The following TMEM135 variants were observed in gnomAD, a reference collection of about 807,000 sequenced individuals.
TMEM135 encodes the protein peroxisomal membrane protein 52.
In TMEM135, 30 loss-of-function variants were observed where a neutral mutation model predicts 60.3. The ratio of observed to expected loss-of-function variants is 0.50; its 90% CI spans 0.37 to 0.68. The LOEUF is 0.68. TMEM135 is among the 30% of genes least tolerant of loss of function. The pLI is 0.00. For synonymous variants in TMEM135, 190 were observed against 186.7 expected (o/e 1.02, Z -0.14); for missense variants, 468 against 548.8 (o/e 0.85, Z 1.47).
At position 87,269,587 on chromosome 11, in the gene TMEM135, C is replaced by T. The variant is rs185155978; in HGVS notation, c.510-26195C>T. ...TTCAATTCCCACCTATGAGTGAGAA[C>T]ATGTGGTGTTTGGTTTTTTGTCCTT... On this transcript the variant is annotated intron_variant, in intron 6 of 14. Coordinates refer to ENST00000305494, the MANE Select transcript of TMEM135 (RefSeq NM_022918.4). Among the ~76,000 whole-genome samples, 30 of 150,698 alleles carry T rather than the reference C, an allele frequency of 2.0e-4. No homozygotes were observed. The East Asian group carries it at 4.1e-3, about 21-fold the overall frequency.
intron 6 of TMEM135, among the ~76,000 whole-genome samples, chr11:87,266,698 T>C (rs1162047719): frequency 6.6e-6 from 1 of 152,200 alleles, no homozygotes; most frequent in African/African-American, 2.4e-5. Context: ...CATTAGAAGG[T>C]CATATCTGTT....
At chr11:87,266,171 GA>G (rs1204703340) in intron 6 of TMEM135, among the ~76,000 whole-genome samples, 1 of 152,160 alleles carries the variant, frequency 6.6e-6, no homozygotes, top group Non-Finnish European at 1.5e-5. Context: ...TGAGGAGCCA[GA>G]GTTATCTATA....
intron 4 of TMEM135, among the ~76,000 whole-genome samples, chr11:87,130,154 A>T (rs1937878161): frequency 7.3e-6 from 1 of 137,372 alleles, no homozygotes; most frequent in Non-Finnish European, 1.6e-5. Flanking sequence ...TCTTGAGGGT[A>T]CCAGTTCCAG....
intron 5 of TMEM135, among the ~76,000 whole-genome samples, chr11:87,173,914 C>T (rs913778016): frequency 6.6e-6 from 1 of 152,104 alleles, no homozygotes; most frequent in African/African-American, 2.4e-5. Context: ...CAGTAATATA[C>T]AAAACATGTT....
intron 13 of TMEM135, 64 bp from the exon 14 acceptor site, chr11:87,319,246 T>C: frequency 2.3e-6 from 3 of 1,294,376 alleles, no homozygotes; most frequent in Non-Finnish European, 3.4e-6. Context: ...TACACCTTTG[T>C]GTATTTCATC....
intron 1 of TMEM135, among the ~76,000 whole-genome samples, chr11:87,064,252 C>T (rs2512358): frequency 0.32 from 47,923 of 147,770 alleles, 8,926 homozygotes; most frequent in East Asian, 0.59. Flanking sequence ...ATTGGTCATG[C>T]GAATGACTCC....
At position 87,326,691 on chromosome 11, in the gene TMEM135, G is replaced by C. The variant is rs547413562; in HGVS notation, c.*5358G>C. 1.1e-5 allele frequency: 5 copies of C among 451,616 alleles called. No individual in the cohort carries two copies. The highest frequency in any genetic ancestry group is 1.0e-4 in the African/African-American group (5 of 49,840). The allele number at this position is 451,616 out of a possible 1,614,324, so 28.0% of individuals were successfully genotyped here. On this transcript the variant is annotated 3_prime_UTR_variant, in exon 15 of 15. Transcript: ENST00000305494. ...ATTTCTTCATCTTGAGCTCTCAAGG[G>C]AAAAAACAGGAGTCCTTATTTTTCT... is the stretch of plus-strand genomic sequence containing the variant.
At chr11:87,290,871 C>T (rs1265237188) in intron 6 of TMEM135, among the ~76,000 whole-genome samples, 2 of 152,078 alleles carry the variant, frequency 1.3e-5, no homozygotes, top group African/African-American at 2.4e-5. Flanking sequence ...TTGTCATTTG[C>T]ATAGATTAAG....
At chr11:87,130,668 AT>A (rs1453528285) in intron 4 of TMEM135, among the ~76,000 whole-genome samples, 3 of 151,958 alleles carry the variant, frequency 2.0e-5, no homozygotes, top group Non-Finnish European at 4.4e-5. Flanking sequence ...ATTTCTTCTA[AT>A]TTTTTATTTA....
chr11:87,129,213 A>ATTTTTTTTTTT (rs71040295), intron 4 of TMEM135, among the ~76,000 whole-genome samples: 15 of 116,244 alleles, frequency 1.3e-4, no homozygotes, highest in Non-Finnish European at 2.1e-4. Context: ...TTATTCCTTA[A>ATTTTTTTTTTT]TTTTTTTTTT....
chr11:87,054,622 A>G (rs1224613988), intron 1 of TMEM135, among the ~76,000 whole-genome samples: 1 of 151,924 alleles, frequency 6.6e-6, no homozygotes, highest in East Asian at 1.9e-4. Context: ...GACTCATTAG[A>G]TTTGTCAGGT....
chr11:87,203,113 A>G (rs1940157458), intron 5 of TMEM135, among the ~76,000 whole-genome samples: 1 of 151,288 alleles, frequency 6.6e-6, no homozygotes, highest in Admixed American at 6.6e-5. Flanking sequence ...TCATATACCC[A>G]ATGGCCCCAC....
rs1255307946 is a variant in TMEM135, at chr11:87,326,975, A to T, written c.*5642A>T. 2 of 446,126 alleles carry T rather than the reference A, an allele frequency of 4.5e-6. No homozygotes were observed. The highest frequency in any genetic ancestry group is 8.9e-6 in the Non-Finnish European group (2 of 225,464). 27.6% of individuals were successfully genotyped at this position (446,126 alleles called of 1,614,324 possible). A position where few individuals can be genotyped will look rare whatever the true frequency, so the allele number is the denominator to read the frequency against. On this transcript the variant is annotated 3_prime_UTR_variant, in exon 15 of 15. Transcript: ENST00000305494. ...ACTTGGATTAAAATTCAAAAATGGG[A>T]TTGCAGTCATTGTTAATTGCTCAAC...
At position 87,324,169 on chromosome 11, in the gene TMEM135, G is replaced by C. The variant is rs1051438832; in HGVS notation, c.*2836G>C. 1 of 453,982 alleles carries C rather than the reference G, an allele frequency of 2.2e-6. No homozygotes were observed. Among genetic ancestry groups the C allele is most frequent in the Non-Finnish European group, 4.4e-6 (1 of 226,752 alleles). 28.1% of individuals were successfully genotyped at this position (453,982 alleles called of 1,614,324 possible). On this transcript the variant is annotated 3_prime_UTR_variant, in exon 15 of 15. Coordinates refer to ENST00000305494, the MANE Select transcript of TMEM135 (RefSeq NM_022918.4). The stretch of plus-strand genomic sequence containing the variant: ...ATTTCATTTAGTTGTTAATGCTGAC[G>C]TAATTGTTTCCTGCTTATATTTTAT...
rs186005805 is a variant in TMEM135, at chr11:87,212,404, T to G, written c.463-24234T>G. Among the ~76,000 whole-genome samples, 4 of 152,304 alleles carry G rather than the reference T, an allele frequency of 2.6e-5. No homozygotes were observed. In the East Asian group the frequency reaches 7.7e-4, roughly 29 times the overall value. ...CTTGGATGAAATACAGTTGAATATA[T>G]TAATAATTTTAAAGGAGAACTTTGT... On this transcript the variant is annotated intron_variant, in intron 5 of 14. Coordinates refer to ENST00000305494, the MANE Select transcript of TMEM135 (RefSeq NM_022918.4).
At chr11:87,281,859 T>C (rs1183921376) in intron 6 of TMEM135, among the ~76,000 whole-genome samples, 1 of 152,250 alleles carries the variant, frequency 6.6e-6, no homozygotes, top group Non-Finnish European at 1.5e-5. Context: ...TCTGTTACCC[T>C]AAGGTACAAA....
At chr11:87,167,908 G>A (rs887206224) in intron 5 of TMEM135, among the ~76,000 whole-genome samples, 2 of 152,072 alleles carry the variant, frequency 1.3e-5, no homozygotes, top group Non-Finnish European at 2.9e-5. Context: ...TTGTACCTCT[G>A]GTAGAATTCA....
intron 14 of TMEM135, 89 bp from the exon 15 acceptor site, chr11:87,321,112 C>T: frequency 8.1e-7 from 1 of 1,241,038 alleles, no homozygotes. Flanking sequence ...TTCTGTTTTC[C>T]CATCCCACAT....
rs1283688917 is a variant in TMEM135 at position 87,323,321 on chromosome 11, T to TG, written c.*1989dup. 2.2e-6 allele frequency: 1 copy of TG among 453,996 alleles called. No individual in the cohort carries two copies. The highest frequency in any genetic ancestry group is 4.4e-6 in the Non-Finnish European group (1 of 226,742). 28.1% of individuals were successfully genotyped at this position (453,996 alleles called of 1,614,324 possible). A position where few individuals can be genotyped will look rare whatever the true frequency, so the allele number is the denominator to read the frequency against. On this transcript the variant is annotated 3_prime_UTR_variant, in exon 15 of 15. Coordinates refer to ENST00000305494, the MANE Select transcript of TMEM135 (RefSeq NM_022918.4). ...TACAATGATGAATGTATAGGTTGAGTGAATAACCAATTTGCAGTGGTGGAT... is the reference window on the plus strand; with the variant it reads ...TACAATGATGAATGTATAGGTTGAGTGGAATAACCAATTTGCAGTGGTGGAT...
Sources: gnomAD v4.1 joint callset for allele counts (sites outside exome capture counted in the v4.1 genomes callset) on GRCh38, gnomAD v4.1.1 for gene constraint, MANE v1.5 for transcripts, NCBI Gene and HGNC (gene_info 2026-07-23, HGNC 2026-07-21) for gene names.